Variants in VTA1 observed in about 807,000 individuals in gnomAD.
VTA1 encodes vacuolar protein sorting-associated protein VTA1 homolog.
VTA1 carries 24 observed loss-of-function variants against 36.9 expected under a neutral mutation model. The ratio of observed to expected loss-of-function variants is 0.65; its 90% CI spans 0.47 to 0.91. The LOEUF (loss-of-function observed/expected upper bound fraction) is 0.91, where lower values mean the gene tolerates loss of function less well. VTA1 is among the 40% of genes least tolerant of loss of function. The pLI is 0.00. For missense variants in VTA1, 393 were observed against 377.2 expected, an observed-to-expected ratio of 1.04 and a Z score of -0.35; for synonymous variants, 142 against 130.2, an observed-to-expected ratio of 1.09 and a Z score of -0.62.
At chr6:142,166,378 C>A in intron 2 of VTA1, 56 bp downstream of exon 2, 1 of 1,288,706 alleles carries the variant, frequency 7.8e-7, no homozygotes, top group Non-Finnish European at 1.1e-6. Context: ...CCATTTTATT[C>A]ATTTGCGTGT....
intron 6 of VTA1, among the ~76,000 whole-genome samples, chr6:142,200,107 C>A (rs76247832): frequency 0.019 from 2,910 of 152,174 alleles, 38 homozygotes; most frequent in Non-Finnish European, 0.03. Context: ...TTTGTTTCTA[C>A]CCCATGCTAA....
chr6:142,181,469 A>ATATATATATG (rs1775238295), intron 4 of VTA1, among the ~76,000 whole-genome samples: 1 of 148,048 alleles, frequency 6.8e-6, no homozygotes. Flanking sequence ...ATATATATAT[A>ATATATATATG]TATATGTATA....
intron 3 of VTA1, 70 bp downstream of exon 3, chr6:142,169,747 C>A: frequency 7.5e-7 from 1 of 1,330,150 alleles, no homozygotes; most frequent in South Asian, 1.8e-5. Flanking sequence ...AACTAGTTTT[C>A]TCTGGAACAC....
At chr6:142,157,171 GATAATA>G (rs571424184) in intron 1 of VTA1, among the ~76,000 whole-genome samples, 1 of 152,132 alleles carries the variant, frequency 6.6e-6, no homozygotes, top group East Asian at 1.9e-4. Context: ...TCAAAAAAAT[GATAATA>G]ATAATAACTT....
At position 142,181,094 on chromosome 6, in the gene VTA1, AAT is replaced by A. The variant is rs1169535055; in HGVS notation, c.412-8310_412-8309del. Among the ~76,000 whole-genome samples the A allele has an allele frequency of 4.8e-3, 174 of 36,442 alleles. 3 individuals are homozygous for A. Among genetic ancestry groups the A allele is most frequent in the East Asian group, 0.014 (19 of 1,318 alleles). The allele number at this position is 36,442 out of a possible 152,430, so 23.9% of individuals were successfully genotyped here. A position where few individuals can be genotyped will look rare whatever the true frequency, so the allele number is the denominator to read the frequency against. On this transcript the variant is annotated intron_variant, in intron 4 of 7. Transcript: ENST00000367630. Reference sequence around the variant, plus strand: ...AATGGTACAGAAAAAAAAAAAAAAAAATATATATATATATATATATATACACA... The same window carrying A: ...AATGGTACAGAAAAAAAAAAAAAAAAATATATATATATATATATATACACA...
At chr6:142,177,144 T>C (rs538438730) in intron 4 of VTA1, among the ~76,000 whole-genome samples, 45 of 152,306 alleles carry the variant, frequency 3.0e-4, no homozygotes, top group African/African-American at 1.0e-3. Flanking sequence ...TAGATAAATA[T>C]GAGAGTAGAG....
chr6:142,185,097 C>T (rs1775315139), intron 4 of VTA1, among the ~76,000 whole-genome samples: 1 of 152,114 alleles, frequency 6.6e-6, no homozygotes, highest in East Asian at 1.9e-4. Context: ...ACATCTTACC[C>T]ATCTTGCATG....
At chr6:142,156,976 G>A (rs555079647) in intron 1 of VTA1, among the ~76,000 whole-genome samples, 141 of 152,318 alleles carry the variant, frequency 9.3e-4, no homozygotes, top group African/African-American at 3.3e-3. Flanking sequence ...GACCAGCCTG[G>A]CCAATATGGT....
intron 1 of VTA1, among the ~76,000 whole-genome samples, chr6:142,149,969 TTG>T (rs1434793115): frequency 6.6e-6 from 1 of 152,174 alleles, no homozygotes; most frequent in African/African-American, 2.4e-5. Flanking sequence ...TTTTATCTCT[TTG>T]TCTTTCTGTG....
At chr6:142,165,715 C>T (rs1201695291) in intron 1 of VTA1, among the ~76,000 whole-genome samples, 1 of 152,060 alleles carries the variant, frequency 6.6e-6, no homozygotes, top group African/African-American at 2.4e-5. Context: ...TAGGTTTAGC[C>T]TTATCTCAGT....
chr6:142,158,863 T>C (rs1778716436), intron 1 of VTA1, among the ~76,000 whole-genome samples: 1 of 152,162 alleles, frequency 6.6e-6, no homozygotes, highest in African/African-American at 2.4e-5. Context: ...TACCACCTAA[T>C]ATTTAAGGAA....
chr6:142,181,827 A>G (rs2114657522), intron 4 of VTA1, among the ~76,000 whole-genome samples: 1 of 152,198 alleles, frequency 6.6e-6, no homozygotes, highest in East Asian at 1.9e-4. Context: ...CTCCCTTTTA[A>G]AAACTTGTTT....
At chr6:142,154,148 C>A (rs1413072107) in intron 1 of VTA1, among the ~76,000 whole-genome samples, 1 of 151,688 alleles carries the variant, frequency 6.6e-6, no homozygotes, top group African/African-American at 2.4e-5. Flanking sequence ...ATATAACCTG[C>A]CTTCTCCTTT....
intron 7 of VTA1, among the ~76,000 whole-genome samples, chr6:142,207,643 T>C (rs1370982825): frequency 2.0e-5 from 3 of 151,478 alleles, no homozygotes; most frequent in Non-Finnish European, 2.9e-5. Flanking sequence ...CAGTGAAGAT[T>C]TGTTGAGCAA....
intron 4 of VTA1, among the ~76,000 whole-genome samples, chr6:142,178,200 TAC>T (rs969439406): frequency 7.9e-5 from 12 of 152,224 alleles, no homozygotes; most frequent in African/African-American, 2.9e-4. Context: ...GAAAATGTGT[TAC>T]ACACAGGGTA....
intron 6 of VTA1, among the ~76,000 whole-genome samples, chr6:142,200,963 G>C (rs940549607): frequency 2.0e-5 from 3 of 151,856 alleles, no homozygotes; most frequent in African/African-American, 7.2e-5. Flanking sequence ...ACTCTCAAGA[G>C]ACTAAGCAAT....
intron 7 of VTA1, among the ~76,000 whole-genome samples, chr6:142,207,127 C>T (rs984833492): frequency 6.6e-6 from 1 of 152,136 alleles, no homozygotes; most frequent in Non-Finnish European, 1.5e-5. Flanking sequence ...GTTCCTGGGG[C>T]CACAGAGAAG....
At chr6:142,186,997 C>G (rs576258113) in intron 4 of VTA1, among the ~76,000 whole-genome samples, 8 of 152,076 alleles carry the variant, frequency 5.3e-5, no homozygotes, top group African/African-American at 1.4e-4. Flanking sequence ...GGAACTGCCT[C>G]TATTCATTCA....
chr6:142,177,943 G>A (rs941923536), intron 4 of VTA1, among the ~76,000 whole-genome samples: 2 of 152,026 alleles, frequency 1.3e-5, no homozygotes, highest in African/African-American at 4.8e-5. Flanking sequence ...ATGTATTATT[G>A]CTACTGTATT....
Sources: gnomAD v4.1 joint callset for allele counts (sites outside exome capture counted in the v4.1 genomes callset) on GRCh38, gnomAD v4.1.1 for gene constraint, MANE v1.5 for transcripts, NCBI Gene and HGNC (gene_info 2026-07-23, HGNC 2026-07-21) for gene names.